The following TCF20 variants were observed in gnomAD, a reference collection of about 807,000 sequenced individuals.
The protein encoded by TCF20 is transcription factor 20.
TCF20 carries 3 observed loss-of-function variants against 148.6 expected under a neutral mutation model. That is an observed-to-expected ratio of 0.02 (90% CI 0.01 to 0.05). TCF20 has a LOEUF of 0.05. TCF20 is among the 10% of genes least tolerant of loss of function. The pLI is 1.00. For synonymous variants in TCF20, 1,049 were observed against 909.5 expected, an observed-to-expected ratio of 1.15 and a Z score of -2.76; for missense variants, 2,350 against 2,429.3, an observed-to-expected ratio of 0.97 and a Z score of 0.69.
At chr22:42,185,327 G>A (rs535573600) in intron 2 of TCF20, among the ~76,000 whole-genome samples, 1 of 152,288 alleles carries the variant, frequency 6.6e-6, no homozygotes, top group South Asian at 2.1e-4. Context: ...TAAACTGTGA[G>A]ACTTGTTCTT....
At chr22:42,216,894 T>TGAAA (rs1308353958) in intron 1 of TCF20, among the ~76,000 whole-genome samples, 1 of 152,142 alleles carries the variant, frequency 6.6e-6, no homozygotes, top group Non-Finnish European at 1.5e-5. Flanking sequence ...GAGTCAGAGA[T>TGAAA]GAAAGGGACA....
intron 2 of TCF20, among the ~76,000 whole-genome samples, chr22:42,206,508 T>A (rs1037530206): frequency 2.8e-4 from 42 of 152,328 alleles, no homozygotes; most frequent in Admixed American, 1.8e-3. Flanking sequence ...ACGGATTATT[T>A]TGAGCGCTCA....
chr22:42,242,218 A>ACAAAAAAAAC (rs1555942525), intron 1 of TCF20, among the ~76,000 whole-genome samples: 1 of 142,586 alleles, frequency 7.0e-6, no homozygotes, highest in African/African-American at 2.8e-5. Context: ...AAAAAAAAAA[A>ACAAAAAAAAC]AAAAAAAAAC....
At chr22:42,173,446 T>C (rs1936257165) in intron 3 of TCF20, among the ~76,000 whole-genome samples, 2 of 152,014 alleles carry the variant, frequency 1.3e-5, no homozygotes, top group Non-Finnish European at 2.9e-5. Flanking sequence ...GATGTCCCAG[T>C]AATAAAAGTC....
At chr22:42,326,868 C>T (rs896514179) in intron 1 of TCF20, among the ~76,000 whole-genome samples, 5 of 152,240 alleles carry the variant, frequency 3.3e-5, no homozygotes, top group South Asian at 2.1e-4. Flanking sequence ...ATTCCAGAGC[C>T]GGAGCGCTGG....
chr22:42,314,972 A>G (rs1271863465), intron 1 of TCF20, among the ~76,000 whole-genome samples: 1 of 152,130 alleles, frequency 6.6e-6, no homozygotes. Context: ...CTCACACCAC[A>G]GCAGGATGTT....
chr22:42,286,800 A>C (rs2147022503), upstream of TCF20, among the ~76,000 whole-genome samples: 1 of 152,342 alleles, frequency 6.6e-6, no homozygotes, highest in Non-Finnish European at 1.5e-5. Context: ...TCAGACAAGG[A>C]GTACAAATGT....
In TCF20 at chr22:42,238,765, T is replaced by C. The variant is rs537615998; in HGVS notation, c.-36-23424A>G. On this transcript the variant is annotated intron_variant, in intron 1 of 5. Transcript: ENST00000677622. ...TGAACACACATCTATACACAACATG[T>C]ATATATTAAGTTCGCCGTCTTATAT... is the stretch of plus-strand genomic sequence containing the variant. Among the ~76,000 whole-genome samples the C allele has an allele frequency of 7.2e-5, 11 of 152,318 alleles. No individual in the cohort carries two copies. The East Asian group carries it at 2.1e-3, about 29-fold the overall frequency.
chr22:42,210,448 G>A lies in TCF20; in HGVS notation c.4858C>T (p.Pro1620Ser). ...TTCTTGGCATCAGTTTTATCCAGTGGCTGGGTGGCATATTTTAGTTTGATC... is the reference window on the plus strand; with the variant it reads ...TTCTTGGCATCAGTTTTATCCAGTGACTGGGTGGCATATTTTAGTTTGATC... ...PEIKLKYATQ[P>S]LDKTDAKNKS... Residue 1620 changes from proline (P) to serine (S), a missense_variant, in exon 2 of 6, where the codon CCA (proline) becomes TCA (serine). Physicochemically the swap from Pro to Ser is moderately conservative, Grantham distance 74 (BLOSUM62 -1). This residue lies in a region of TCF20 where 374 missense variants were observed against 398.3 expected (regional missense o/e 0.94). Coordinates refer to ENST00000677622, the MANE Select transcript of TCF20 (RefSeq NM_001378418.1). The surrounding 1 kb of genome is among the most constrained non-coding windows in gnomAD (Gnocchi z 4.7). The A allele has an allele frequency of 6.2e-7, 1 of 1,614,256 alleles. No individual in the cohort carries two copies. Among genetic ancestry groups the A allele is most frequent in the Middle Eastern group, 1.6e-4 (1 of 6,062 alleles).
chr22:42,323,531 G>A (rs974258216), intron 1 of TCF20, among the ~76,000 whole-genome samples: 1 of 151,782 alleles, frequency 6.6e-6, no homozygotes. Flanking sequence ...AGGAGGAGGT[G>A]GCAGCTGACC....
intron 1 of TCF20, among the ~76,000 whole-genome samples, chr22:42,228,660 G>A (rs1051148137): frequency 6.6e-6 from 1 of 152,316 alleles, no homozygotes; most frequent in South Asian, 2.1e-4. Context: ...ATGGCAACAC[G>A]CGATTCCCAT....
intron 3 of TCF20, among the ~76,000 whole-genome samples, chr22:42,173,812 G>GTTT (rs1936279087): frequency 6.6e-6 from 1 of 152,156 alleles, no homozygotes; most frequent in Admixed American, 6.5e-5. Context: ...TCCACATGAA[G>GTTT]GAGCAAAGTG....
chr22:42,182,928 G>C (rs934299666), intron 2 of TCF20, among the ~76,000 whole-genome samples: 34 of 152,144 alleles, frequency 2.2e-4, no homozygotes, highest in Non-Finnish European at 4.4e-4. Flanking sequence ...CTAGAGACGG[G>C]GTTTCAACAT....
In TCF20 at chr22:42,166,295, AG is replaced by A. The variant is rs372328308; in HGVS notation, c.*44+2313del. Among the ~76,000 whole-genome samples the A allele has an allele frequency of 1.2e-3, 189 of 152,354 alleles. 2 individuals carry two copies. The highest frequency in any genetic ancestry group is 4.4e-3 in the African/African-American group (181 of 41,590). The stretch of plus-strand genomic sequence containing the variant: ...CTTCATCACTGTGCTTCAACCCAGA[AG>A]GATGAAGCTCATTGTTCTGTTCAAG... On this transcript the variant is annotated intron_variant, in intron 5 of 5. Coordinates refer to ENST00000677622, the MANE Select transcript of TCF20 (RefSeq NM_001378418.1).
chr22:42,306,205 G>C (rs1023489570), intron 1 of TCF20, among the ~76,000 whole-genome samples: 1 of 152,268 alleles, frequency 6.6e-6, no homozygotes, highest in Non-Finnish European at 1.5e-5. Context: ...TCCCCGCCTC[G>C]CAGAAAGCCT....
chr22:42,250,676 C>T (rs984956819), intron 1 of TCF20, among the ~76,000 whole-genome samples: 6 of 152,146 alleles, frequency 3.9e-5, no homozygotes, highest in Admixed American at 6.5e-5. Flanking sequence ...GGTTAGTATA[C>T]TGAGTGATTA....
intron 5 of TCF20, among the ~76,000 whole-genome samples, chr22:42,168,338 A>G (rs1935914391): frequency 6.6e-6 from 1 of 152,188 alleles, no homozygotes; most frequent in African/African-American, 2.4e-5. Flanking sequence ...TCCACTCACA[A>G]GGCCACCCCT....
At chr22:42,233,527 T>C (rs1184799978) in intron 1 of TCF20, among the ~76,000 whole-genome samples, 1 of 152,228 alleles carries the variant, frequency 6.6e-6, no homozygotes, top group Admixed American at 6.5e-5. Context: ...TCAAGTCCAG[T>C]GCAAATCGCA....
upstream of TCF20, among the ~76,000 whole-genome samples, chr22:42,288,702 T>A (rs1601694454): frequency 3.8e-5 from 5 of 133,046 alleles, 1 homozygote; most frequent in African/African-American, 1.4e-4. Flanking sequence ...GCTGTATTTT[T>A]GAGACCCTGT....
Sources: gnomAD v4.1 joint callset for allele counts (sites outside exome capture counted in the v4.1 genomes callset) on GRCh38, gnomAD v4.1.1 for gene constraint, gnomAD v4.1.1 regional missense constraint, Gnocchi (gnomAD v3.1) non-coding constraint, MANE v1.5 for transcripts, NCBI Gene and HGNC (gene_info 2026-07-23, HGNC 2026-07-21) for gene names.